STK39: variants seen among roughly 807,000 people sequenced by gnomAD.
The protein encoded by STK39 is serine/threonine kinase 39.
In STK39, 20 loss-of-function variants were observed where a neutral mutation model predicts 77.8. That is an observed-to-expected ratio of 0.26 (90% CI 0.18 to 0.37). The LOEUF is 0.37. Ranked by LOEUF, STK39 falls within the 10% of genes least tolerant of loss-of-function variation. STK39 has a pLI of 1.00. For missense variants in STK39, 479 were observed against 656.5 expected (o/e 0.73, Z 2.95); for synonymous variants, 246 against 234.1 (o/e 1.05, Z -0.47).
chr2:168,152,954 T>C (rs1208408156), intron 5 of STK39, among the ~76,000 whole-genome samples: 2 of 152,304 alleles, frequency 1.3e-5, no homozygotes, highest in East Asian at 3.9e-4. Flanking sequence ...CAATAGCCCA[T>C]CTGTACATGT....
Position 168,166,428 on chromosome 2 carries a change from G to T in STK39, c.430+871C>A, listed in dbSNP as rs115435963. On this transcript the variant is annotated intron_variant, in intron 3 of 17. Transcript: ENST00000355999. ...GCTTGCATCACTGCAGGGATCTGAA[G>T]CTAGAGAGAGGAAGTGACTTTCCCT... 9.6e-3 allele frequency among the ~76,000 whole-genome samples: 1,464 copies of T among 152,346 alleles called. 20 individuals carry two copies. Among genetic ancestry groups the T allele is most frequent in the African/African-American group, 0.033 (1,391 of 41,578 alleles).
At chr2:167,966,299 T>C (rs566526847) in intron 16 of STK39, among the ~76,000 whole-genome samples, 1 of 152,330 alleles carries the variant, frequency 6.6e-6, no homozygotes, top group African/African-American at 2.4e-5. Context: ...AGTGCAAAGC[T>C]CTGCTGTAAA....
intron 5 of STK39, among the ~76,000 whole-genome samples, chr2:168,146,059 C>CAT (rs1559119433): frequency 6.6e-6 from 1 of 152,214 alleles, no homozygotes; most frequent in African/African-American, 2.4e-5. Flanking sequence ...GTAGACTATA[C>CAT]CCTAGCCAGT....
chr2:168,123,150 G>A (rs188453036), intron 10 of STK39, among the ~76,000 whole-genome samples: 1 of 152,266 alleles, frequency 6.6e-6, no homozygotes, highest in East Asian at 1.9e-4. Context: ...CCTAAACGGA[G>A]GGACATTCTA....
At position 168,144,980 on chromosome 2, in the gene STK39, GA is replaced by G. The variant is rs549856703; in HGVS notation, c.629-4223del. On this transcript the variant is annotated intron_variant, in intron 5 of 17. Coordinates refer to ENST00000355999, the MANE Select transcript of STK39 (RefSeq NM_013233.3). The stretch of plus-strand genomic sequence containing the variant: ...TAGGCAACAGAGTGAGCCCGTCTCA[GA>G]AAAAAAAAAAAAAGAATATTCCCAC... 6.5e-3 allele frequency among the ~76,000 whole-genome samples: 812 copies of G among 125,822 alleles called. 13 individuals carry two copies. The highest frequency in any genetic ancestry group is 0.021 in the African/African-American group (690 of 33,606). The allele number at this position is 125,822 out of a possible 152,430, so 82.5% of individuals were successfully genotyped here.
At chr2:168,097,638 G>A (rs767945832) in intron 10 of STK39, among the ~76,000 whole-genome samples, 1 of 152,172 alleles carries the variant, frequency 6.6e-6, no homozygotes, top group Admixed American at 6.5e-5. Flanking sequence ...AGAAGGCTCA[G>A]GTGGGAGGAT....
intron 1 of STK39, among the ~76,000 whole-genome samples, chr2:168,203,749 T>C (rs1689669527): frequency 6.6e-6 from 1 of 152,222 alleles, no homozygotes; most frequent in African/African-American, 2.4e-5. Flanking sequence ...CCAGCCACCG[T>C]GCCCCACTAA....
intron 14 of STK39, among the ~76,000 whole-genome samples, chr2:168,042,669 C>T (rs1038968703): frequency 3.3e-5 from 5 of 151,162 alleles, no homozygotes; most frequent in Non-Finnish European, 5.9e-5. Flanking sequence ...CAACCTCTGC[C>T]TCTTGGGTGC....
At chr2:168,181,606 G>A (rs1689084487) in intron 2 of STK39, among the ~76,000 whole-genome samples, 1 of 152,116 alleles carries the variant, frequency 6.6e-6, no homozygotes, top group Non-Finnish European at 1.5e-5. Flanking sequence ...TTCCATTTGT[G>A]TCACACATTC....
chr2:168,052,189 C>A (rs917106549), intron 14 of STK39, among the ~76,000 whole-genome samples: 1 of 152,094 alleles, frequency 6.6e-6, no homozygotes, highest in Non-Finnish European at 1.5e-5. Context: ...TCGCGCAAGG[C>A]CCTTGTTTAG....
At chr2:168,192,557 G>A (rs1423174610) in intron 1 of STK39, among the ~76,000 whole-genome samples, 1 of 152,148 alleles carries the variant, frequency 6.6e-6, no homozygotes, top group Non-Finnish European at 1.5e-5. Flanking sequence ...ATTGAGTGAT[G>A]GTTATGACGG....
intron 1 of STK39, among the ~76,000 whole-genome samples, chr2:168,212,995 T>C (rs1194426178): frequency 6.6e-6 from 1 of 152,196 alleles, no homozygotes; most frequent in East Asian, 1.9e-4. Context: ...TCATATTAAG[T>C]ACATAAATAT....
At position 167,989,902 on chromosome 2, in the gene STK39, T is replaced by A. The variant is rs1380263200; in HGVS notation, c.1498+22732A>T. Among the ~76,000 whole-genome samples, 12 of 152,236 alleles carry A rather than the reference T, an allele frequency of 7.9e-5. No individual in the cohort carries two copies. In the South Asian group the frequency reaches 8.3e-4, roughly 11 times the overall value. On this transcript the variant is annotated intron_variant, in intron 16 of 17. Transcript: ENST00000355999. Reference sequence around the variant, plus strand: ...TCATGATTAAAGTTGTCTACCCATATGCAAAAGTGAACATATTTTTAAACT... The same window carrying A: ...TCATGATTAAAGTTGTCTACCCATAAGCAAAAGTGAACATATTTTTAAACT...
At chr2:168,115,327 C>G (rs1354991036) in intron 10 of STK39, among the ~76,000 whole-genome samples, 2 of 152,180 alleles carry the variant, frequency 1.3e-5, no homozygotes, top group African/African-American at 2.4e-5. Context: ...AAGTAATGTT[C>G]TACAGATGAT....
intron 14 of STK39, among the ~76,000 whole-genome samples, chr2:168,041,431 C>T (rs1281590213): frequency 6.6e-6 from 1 of 151,384 alleles, no homozygotes; most frequent in Non-Finnish European, 1.5e-5. Context: ...TACAAGTATG[C>T]TGTCCACTGT....
chr2:168,056,021 A>T (rs1408679934), intron 14 of STK39, among the ~76,000 whole-genome samples: 1 of 152,208 alleles, frequency 6.6e-6, no homozygotes, highest in African/African-American at 2.4e-5. Flanking sequence ...GACAAAAAAA[A>T]TTTGCAAAAA....
chr2:168,247,526 C>G lies in STK39; in HGVS notation c.-91G>C, dbSNP rs902352022. The G allele has an allele frequency of 6.0e-5, 50 of 830,500 alleles. No homozygotes were observed. Among genetic ancestry groups the G allele is most frequent in the Non-Finnish European group, 1.8e-5 (12 of 677,090 alleles). The allele number at this position is 830,500 out of a possible 1,614,324, so 51.4% of individuals were successfully genotyped here. ...TGCCTCGCCGCCGACACCTCTCGGC[C>G]GGCGCACGCCCTCCCCGCCCGCCGC... On this transcript the variant is annotated 5_prime_UTR_variant, in exon 1 of 18. Coordinates refer to ENST00000355999, the MANE Select transcript of STK39 (RefSeq NM_013233.3).
chr2:168,212,748 A>G (rs979876621), intron 1 of STK39, among the ~76,000 whole-genome samples: 2 of 152,220 alleles, frequency 1.3e-5, no homozygotes, highest in African/African-American at 4.8e-5. Flanking sequence ...ACGTGAAGAC[A>G]CTGTCCTTAC....
At chr2:168,068,025 C>T (rs1254417075) in intron 12 of STK39, among the ~76,000 whole-genome samples, 3 of 152,154 alleles carry the variant, frequency 2.0e-5, no homozygotes. Flanking sequence ...AGAGTGTGTG[C>T]AGGAGAACTG....
Sources: gnomAD v4.1 joint callset for allele counts (sites outside exome capture counted in the v4.1 genomes callset) on GRCh38, gnomAD v4.1.1 for gene constraint, MANE v1.5 for transcripts, NCBI Gene and HGNC (gene_info 2026-07-23, HGNC 2026-07-21) for gene names.